The following RFC4 variants were observed in gnomAD, a reference collection of about 807,000 sequenced individuals.
RFC4 encodes the protein A1 37 kDa subunit.
Under a neutral mutation model 47.6 loss-of-function variants are expected in RFC4, and 38 were observed. The ratio of observed to expected loss-of-function variants is 0.80; its 90% CI spans 0.62 to 1.05. The LOEUF is 1.05. RFC4 is among the 50% of genes least tolerant of loss of function. The pLI is 0.00. For synonymous variants in RFC4, 164 were observed against 150.0 expected (o/e 1.09, Z -0.68); for missense variants, 489 against 434.0 (o/e 1.13, Z -1.13).
intron 2 of RFC4, chr3:186,801,482 C>T: frequency 3.2e-6 from 1 of 316,766 alleles, no homozygotes. Context: ...GCTACAAACA[C>T]TAATTAGAAA....
intron 7 of RFC4, 128 bp from the exon 8 acceptor site, chr3:186,791,978 T>C: frequency 1.3e-6 from 1 of 785,306 alleles, no homozygotes. Context: ...AACATTTCTG[T>C]TTTGGGAGAA....
chr3:186,797,729 A>T, intron 3 of RFC4, 115 bp from the exon 4 acceptor site: 1 of 641,050 alleles, frequency 1.6e-6, no homozygotes, highest in Non-Finnish European at 2.7e-6. Context: ...TAGGGCACGT[A>T]ATTTCTAAGT....
In RFC4 at chr3:186,790,415, T is replaced by TTGAATGTTCGGTATTAAAGATGTTTC. The variant is rs56009543; in HGVS notation, c.802-35_802-10dup. Reference sequence around the variant, plus strand: ...TTCTCAGCTGGTATTACCTAGGTAATTGAATGTTCGGTATTAAAGATGTTT... The same window carrying TTGAATGTTCGGTATTAAAGATGTTTC: ...TTCTCAGCTGGTATTACCTAGGTAATTGAATGTTCGGTATTAAAGATGTTTCTGAATGTTCGGTATTAAAGATGTTT... On this transcript the variant is annotated splice_polypyrimidine_tract_variant and intron_variant, in intron 8 of 10. Transcript: ENST00000296273. The TTGAATGTTCGGTATTAAAGATGTTTC allele has an allele frequency of 2.8e-5, 45 of 1,595,314 alleles. No homozygotes were observed. In the East Asian group the frequency reaches 9.4e-4, roughly 33 times the overall value.
At chr3:186,792,694 A>G in intron 6 of RFC4, 84 bp from the exon 7 acceptor site, 1 of 1,559,892 alleles carries the variant, frequency 6.4e-7, no homozygotes, top group Non-Finnish European at 8.7e-7. Context: ...ACAAATCAAG[A>G]TTTGATGGAG....
intron 2 of RFC4, among the ~76,000 whole-genome samples, chr3:186,801,630 G>T: frequency 6.8e-6 from 1 of 147,308 alleles, no homozygotes; most frequent in East Asian, 2.0e-4. Context: ...AGAACGGCAC[G>T]AACCTGGGAG....
intron 4 of RFC4, 92 bp downstream of exon 4, chr3:186,797,443 C>T (rs538407276): frequency 2.1e-4 from 181 of 880,386 alleles, no homozygotes; most frequent in Non-Finnish European, 3.1e-4. Context: ...CTACAGAAAA[C>T]GAAACGCAAA....
At chr3:186,799,528 C>T (rs1336398458) in intron 3 of RFC4, among the ~76,000 whole-genome samples, 2 of 152,082 alleles carry the variant, frequency 1.3e-5, no homozygotes, top group Non-Finnish European at 2.9e-5. Flanking sequence ...GGTCACTTGA[C>T]ATGGCTAAAC....
intron 1 of RFC4, among the ~76,000 whole-genome samples, chr3:186,805,059 C>G (rs537627024): frequency 1.3e-5 from 2 of 152,280 alleles, no homozygotes; most frequent in Admixed American, 1.3e-4. Flanking sequence ...TATGATGTTG[C>G]TAATGACCAA....
intron 7 of RFC4, 23 bp from the exon 8 acceptor site, chr3:186,791,873 T>C: frequency 6.3e-7 from 1 of 1,594,122 alleles, no homozygotes; most frequent in Non-Finnish European, 8.6e-7. Context: ...GAGTTGTTTT[T>C]AACCTATGAT....
intron 3 of RFC4, 83 bp downstream of exon 3, chr3:186,801,034 G>T: frequency 9.9e-7 from 1 of 1,010,940 alleles, no homozygotes; most frequent in Non-Finnish European, 1.6e-6. Context: ...TTTAACGAGG[G>T]CTAGAAGTTA....
intron 4 of RFC4, 76 bp downstream of exon 4, chr3:186,797,459 A>G: frequency 1.0e-6 from 1 of 975,116 alleles, no homozygotes; most frequent in Non-Finnish European, 1.6e-6. Flanking sequence ...GCAAATTTTT[A>G]GAGGAAAAAA....
chr3:186,794,726 A>T lies in RFC4; in HGVS notation c.342T>A (p.Arg114=). The change falls in exon 5 of 11, where the codon CGT becomes CGA. Residue 114 remains arginine (R), a synonymous_variant. Transcript: ENST00000296273. The part of the protein sequence containing the change: ...RVLELNASDE[R]GIQVVREKVK... ...CTTTCTCTCGAACTACTTGTATTCC[A>T]CGTTCATCAGATGCATTTAACTCAA... 1 of 1,613,998 alleles carries T rather than the reference A, an allele frequency of 6.2e-7. No individual in the cohort carries two copies. Among genetic ancestry groups the T allele is most frequent in the Non-Finnish European group, 8.5e-7 (1 of 1,179,852 alleles).
chr3:186,804,017 A>G (rs1446311687), intron 2 of RFC4, among the ~76,000 whole-genome samples: 1 of 151,984 alleles, frequency 6.6e-6, no homozygotes, highest in Non-Finnish European at 1.5e-5. Flanking sequence ...CCCCGTCTCT[A>G]CTAAAAATAC....
chr3:186,797,803 TA>T (rs1267187217), intron 3 of RFC4, among the ~76,000 whole-genome samples, 189 bp from the exon 4 acceptor site: 1 of 152,250 alleles, frequency 6.6e-6, no homozygotes, highest in Non-Finnish European at 1.5e-5. Context: ...CTTTTTCATA[TA>T]CTACCACTTT....
chr3:186,790,095 T>A (rs768971313), intron 10 of RFC4, 31 bp from the exon 11 acceptor site: 9 of 1,605,608 alleles, frequency 5.6e-6, no homozygotes, highest in Non-Finnish European at 7.7e-6. Flanking sequence ...ATTAGCATCC[T>A]TCAGGTAGTT....
chr3:186,804,872 A>G, intron 1 of RFC4, 148 bp from the exon 2 acceptor site: 1 of 683,540 alleles, frequency 1.5e-6, no homozygotes, highest in Non-Finnish European at 2.4e-6. Context: ...GATGTTACAT[A>G]ATAAAGGACA....
At chr3:186,800,155 C>G (rs1722323624) in intron 3 of RFC4, among the ~76,000 whole-genome samples, 1 of 152,022 alleles carries the variant, frequency 6.6e-6, no homozygotes, top group African/African-American at 2.4e-5. Flanking sequence ...TGGGGTTTCA[C>G]CATGTTGGCC....
chr3:186,801,286 G>T, intron 2 of RFC4, 91 bp from the exon 3 acceptor site: 1 of 924,770 alleles, frequency 1.1e-6, no homozygotes, highest in South Asian at 1.4e-5. Flanking sequence ...AAATACCAAT[G>T]ACCATTCTTA....
intron 8 of RFC4, chr3:186,791,495 C>A: frequency 4.2e-6 from 2 of 478,336 alleles, no homozygotes; most frequent in Non-Finnish European, 3.8e-6. Flanking sequence ...AAAAAACTAA[C>A]AACTGAAAGT....
Sources: gnomAD v4.1 joint callset for allele counts (sites outside exome capture counted in the v4.1 genomes callset) on GRCh38, gnomAD v4.1.1 for gene constraint, MANE v1.5 for transcripts, NCBI Gene and HGNC (gene_info 2026-07-23, HGNC 2026-07-21) for gene names.